The following CEP128 variants were observed in gnomAD, a reference collection of about 807,000 sequenced individuals.
The protein encoded by CEP128 is centrosomal protein 128kDa.
CEP128 carries 132 observed loss-of-function variants against 156.7 expected under a neutral mutation model. That is an observed-to-expected ratio of 0.84 (90% CI 0.73 to 0.97). CEP128 has a LOEUF of 0.97. CEP128 is among the 50% of genes least tolerant of loss of function. The probability of loss-of-function intolerance (pLI) is 0.00; values close to 1 mark genes in which losing one functional copy is unlikely to be tolerated. For synonymous variants in CEP128, 469 were observed against 448.9 expected (o/e 1.04, Z -0.57); for missense variants, 1,252 against 1,281.9 (o/e 0.98, Z 0.36).
chr14:80,803,313 G>A (rs1883982012), intron 13 of CEP128, among the ~76,000 whole-genome samples: 1 of 149,142 alleles, frequency 6.7e-6, no homozygotes, highest in Non-Finnish European at 1.5e-5. Flanking sequence ...ATTTTATGGT[G>A]AAGGAAGAAA....
intron 2 of CEP128, chr14:80,955,812 T>G (rs984401719): frequency 2.5e-6 from 4 of 1,614,176 alleles, no homozygotes; most frequent in Non-Finnish European, 3.4e-6. Context: ...GCAAGGATAT[T>G]CAACGCATCC....
At chr14:80,658,078 G>A (rs1010178160) in intron 19 of CEP128, among the ~76,000 whole-genome samples, 1 of 152,090 alleles carries the variant, frequency 6.6e-6, no homozygotes, top group Admixed American at 6.6e-5. Context: ...TATCACCACA[G>A]TAAAGTACTT....
At position 80,745,552 on chromosome 14, in the gene CEP128, A is replaced by T. The variant is rs757690536; in HGVS notation, c.2614-2285T>A. Reference sequence around the variant, plus strand: ...GAAAATGCATATAATAAAGTCAAACATTCCTTCATAATAAAGACACTCAAA... The same window carrying T: ...GAAAATGCATATAATAAAGTCAAACTTTCCTTCATAATAAAGACACTCAAA... On this transcript the variant is annotated intron_variant, in intron 18 of 24. Coordinates refer to ENST00000555265, the MANE Select transcript of CEP128 (RefSeq NM_152446.5). 7.4e-4 allele frequency among the ~76,000 whole-genome samples: 113 copies of T among 152,238 alleles called. 1 individual carries two copies. Among genetic ancestry groups the T allele is most frequent in the South Asian group, 1.9e-3 (9 of 4,824 alleles).
intron 6 of CEP128, among the ~76,000 whole-genome samples, chr14:80,902,789 G>A (rs1030170122): frequency 3.3e-5 from 5 of 152,052 alleles, no homozygotes; most frequent in African/African-American, 1.2e-4. Flanking sequence ...ATCACACAAA[G>A]ATTAACTTGT....
intron 19 of CEP128, among the ~76,000 whole-genome samples, chr14:80,626,440 C>T (rs370936602): frequency 1.2e-4 from 16 of 135,442 alleles, no homozygotes; most frequent in South Asian, 4.8e-4. Flanking sequence ...GTCCACAGTC[C>T]GGCCTGGGCG....
chr14:80,928,462 T>A (rs1009215178), intron 2 of CEP128, among the ~76,000 whole-genome samples: 4 of 152,068 alleles, frequency 2.6e-5, no homozygotes, highest in Admixed American at 1.3e-4. Context: ...AAACCAGAAC[T>A]TTTGGAAGTG....
chr14:80,524,245 T>C lies in CEP128; in HGVS notation c.3072+2624A>G, dbSNP rs1008986273. Among the ~76,000 whole-genome samples, 5 of 152,238 alleles carry C rather than the reference T, an allele frequency of 3.3e-5. No individual in the cohort carries two copies. The East Asian group carries it at 9.6e-4, about 29-fold the overall frequency. On this transcript the variant is annotated intron_variant, in intron 23 of 24. Transcript: ENST00000555265. ...TGCATTAAACTGAGTCTTACACTGA[T>C]TTCCTGGAACTGTAGTTTTCAGTAG...
intron 24 of CEP128, among the ~76,000 whole-genome samples, chr14:80,501,150 A>G (rs1216229609): frequency 2.0e-5 from 3 of 152,236 alleles, no homozygotes; most frequent in Admixed American, 1.3e-4. Flanking sequence ...ATTGAAAAAC[A>G]TGAGTGTCCA....
intron 21 of CEP128, among the ~76,000 whole-genome samples, chr14:80,540,626 C>G (rs995346651): frequency 6.6e-6 from 1 of 152,190 alleles, no homozygotes; most frequent in Non-Finnish European, 1.5e-5. Flanking sequence ...AGAGGAATGA[C>G]ATCCTCTCAT....
intron 19 of CEP128, among the ~76,000 whole-genome samples, chr14:80,682,421 T>C (rs886866890): frequency 2.6e-5 from 4 of 152,222 alleles, no homozygotes; most frequent in Non-Finnish European, 5.9e-5. Context: ...AAACATGAAT[T>C]AATTCTTTGA....
intron 14 of CEP128, among the ~76,000 whole-genome samples, chr14:80,786,736 A>C (rs1345408134): frequency 6.6e-6 from 1 of 152,186 alleles, no homozygotes; most frequent in Admixed American, 6.5e-5. Flanking sequence ...GAGAAAGGGG[A>C]AACAAAAAGT....
At chr14:80,959,103 G>T (rs1886877136) in intron 1 of CEP128, among the ~76,000 whole-genome samples, 1 of 152,142 alleles carries the variant, frequency 6.6e-6, no homozygotes, top group Admixed American at 6.5e-5. Flanking sequence ...TGGATGCAGG[G>T]GAGAGAGTTA....
chr14:80,954,611 T>C (rs1209251628), intron 2 of CEP128, among the ~76,000 whole-genome samples: 2 of 152,220 alleles, frequency 1.3e-5, no homozygotes, highest in Non-Finnish European at 2.9e-5. Context: ...TTTTCCTTCC[T>C]GTCCTAGCCA....
chr14:80,572,925 T>G (rs1891205577), intron 20 of CEP128, among the ~76,000 whole-genome samples: 1 of 152,034 alleles, frequency 6.6e-6, no homozygotes, highest in African/African-American at 2.4e-5. Flanking sequence ...GGTCACTGTT[T>G]TTTGTTTTTT....
chr14:80,804,903 C>T lies in CEP128; in HGVS notation c.1210-11793G>A, dbSNP rs529292379. ...ATATTAAGATTAACATGAATTCAAC[C>T]GACATTCACTTGGGTGCCAACTATG... On this transcript the variant is annotated intron_variant, in intron 13 of 24. Coordinates refer to ENST00000555265, the MANE Select transcript of CEP128 (RefSeq NM_152446.5). Among the ~76,000 whole-genome samples, 216 of 152,036 alleles carry T rather than the reference C, an allele frequency of 1.4e-3. 1 individual carries two copies. The highest frequency in any genetic ancestry group is 4.9e-3 in the African/African-American group (202 of 41,464).
At chr14:80,799,699 G>C (rs956860218) in intron 13 of CEP128, among the ~76,000 whole-genome samples, 1 of 152,142 alleles carries the variant, frequency 6.6e-6, no homozygotes, top group African/African-American at 2.4e-5. Flanking sequence ...TTGTGCAGTT[G>C]AGATGAGGAA....
intron 11 of CEP128, among the ~76,000 whole-genome samples, chr14:80,837,419 T>G (rs1021268906): frequency 5.9e-5 from 9 of 152,112 alleles, no homozygotes; most frequent in African/African-American, 2.2e-4. Flanking sequence ...ACGTTATACT[T>G]TAAAATTAAG....
At chr14:80,885,930 C>T (rs753348496) in intron 8 of CEP128, among the ~76,000 whole-genome samples, 2 of 152,116 alleles carry the variant, frequency 1.3e-5, no homozygotes, top group Non-Finnish European at 2.9e-5. Context: ...TAGAGAAGAA[C>T]ATAAATGACC....
intron 19 of CEP128, among the ~76,000 whole-genome samples, chr14:80,628,254 TCTTTC>T (rs765808499): frequency 2.0e-5 from 3 of 152,136 alleles, no homozygotes; most frequent in Admixed American, 6.5e-5. Context: ...TGACAAAAAG[TCTTTC>T]CTTTCCTATT....
Sources: gnomAD v4.1 joint callset for allele counts (sites outside exome capture counted in the v4.1 genomes callset) on GRCh38, gnomAD v4.1.1 for gene constraint, MANE v1.5 for transcripts, NCBI Gene and HGNC (gene_info 2026-07-23, HGNC 2026-07-21) for gene names.